RNF17: variants seen among roughly 807,000 people sequenced by gnomAD.
The protein encoded by RNF17 is ring finger protein 17.
RNF17 carries 31 observed loss-of-function variants against 200.5 expected under a neutral mutation model. The observed-to-expected ratio is 0.15, with a 90% confidence interval of 0.12 to 0.21. The LOEUF (loss-of-function observed/expected upper bound fraction) is 0.21. Among genes scored for constraint, RNF17 ranks in the 10% least tolerant of loss-of-function variants. The pLI is 1.00. For synonymous variants in RNF17, 606 were observed against 637.8 expected (o/e 0.95, Z 0.75); for missense variants, 1,628 against 1,905.1 (o/e 0.85, Z 2.71).
chr13:24,868,563 C>T, intron 30 of RNF17, 37 bp from the exon 31 acceptor site: 1 of 1,006,890 alleles, frequency 9.9e-7, no homozygotes, highest in Non-Finnish European at 1.5e-6. Flanking sequence ...GATTTTTGTC[C>T]TTATTCTGAA....
intron 15 of RNF17, among the ~76,000 whole-genome samples, chr13:24,821,753 G>C (rs1888081314): frequency 6.6e-6 from 1 of 151,922 alleles, no homozygotes; most frequent in Non-Finnish European, 1.5e-5. Context: ...ATTTTCTTTA[G>C]TTCTTTGTTT....
intron 32 of RNF17, among the ~76,000 whole-genome samples, chr13:24,872,863 AC>A (rs1894439261): frequency 8.5e-6 from 1 of 118,266 alleles, no homozygotes; most frequent in Middle Eastern, 3.9e-3. Context: ...GCTCAGGAAA[AC>A]TTTAGATGAA....
intron 32 of RNF17, 33 bp from the exon 33 acceptor site, chr13:24,874,080 CA>C (rs1386528802): frequency 6.3e-7 from 1 of 1,599,030 alleles, no homozygotes; most frequent in East Asian, 2.2e-5. Context: ...TAATGAAAGA[CA>C]ATATGATTTT....
intron 33 of RNF17, among the ~76,000 whole-genome samples, chr13:24,874,844 A>G (rs1357342509): frequency 6.6e-6 from 1 of 152,246 alleles, no homozygotes; most frequent in African/African-American, 2.4e-5. Flanking sequence ...GTTAAGTAAT[A>G]GGATCACAGT....
At chr13:24,842,857 C>T (rs1282183045) in intron 19 of RNF17, among the ~76,000 whole-genome samples, 1 of 151,668 alleles carries the variant, frequency 6.6e-6, no homozygotes, top group Admixed American at 6.6e-5. Context: ...TGGTGGCGTG[C>T]GTGCCTATAG....
downstream of RNF17, chr13:24,883,513 C>G (rs1292170112): frequency 1.6e-6 from 1 of 639,514 alleles, no homozygotes; most frequent in African/African-American, 1.8e-5. Flanking sequence ...TTGTAACTTT[C>G]TACAGTGTTT....
intron 31 of RNF17, 119 bp from the exon 32 acceptor site, chr13:24,870,452 G>A: frequency 1.4e-6 from 1 of 709,784 alleles, no homozygotes. Flanking sequence ...TGAATATCAG[G>A]AGGTGTAGGG....
At chr13:24,764,167 T>A, upstream of RNF17, 2 of 1,548,948 alleles carry the variant, frequency 1.3e-6, no homozygotes, top group Non-Finnish European at 8.8e-7. Context: ...CCGCCGGGAC[T>A]CGCACTCGGC....
rs1410779095 is a variant in RNF17 at position 24,810,803 on chromosome 13, C to T, written c.2091+6374C>T. ...ACCGGTTGTTCCTTTCCATGTTTAG[C>T]GCTTCCTTCAGGAGCTCTTTTAGGG... On this transcript the variant is annotated intron_variant, in intron 15 of 35. Coordinates refer to ENST00000255324, the MANE Select transcript of RNF17 (RefSeq NM_031277.3). Among the ~76,000 whole-genome samples, 78 of 148,738 alleles carry T rather than the reference C, an allele frequency of 5.2e-4. 1 individual carries two copies. Among genetic ancestry groups the T allele is most frequent in the African/African-American group, 8.2e-4 (32 of 39,166 alleles).
rs1226049811 is a variant in RNF17 at position 24,845,068 on chromosome 13, G to A, written c.3090G>A (p.Leu1030=). Residue 1030 remains leucine, a synonymous_variant, in exon 22 of 36, where the codon CTG becomes CTA. Coordinates refer to ENST00000255324, the MANE Select transcript of RNF17 (RefSeq NM_031277.3). ...TMGRLSLECS[L]VDIRPAGGSD... ...GAAGACTCTCTTTGGAATGTTCTCT[G>A]GTTGACATAAGGTAGTTTTTAGCTG... The A allele has an allele frequency of 6.7e-7, 1 of 1,503,188 alleles. No individual in the cohort carries two copies. Among genetic ancestry groups the A allele is most frequent in the Non-Finnish European group, 9.2e-7 (1 of 1,081,332 alleles). 93.1% of individuals were successfully genotyped at this position (1,503,188 alleles called of 1,614,324 possible).
chr13:24,803,946 T>G (rs1002868184), intron 14 of RNF17: 5 of 250,960 alleles, frequency 2.0e-5, no homozygotes, highest in Admixed American at 5.9e-5. Context: ...AAGTCCTTCC[T>G]TTAGATCAAG....
chr13:24,854,261 AT>A (rs1892239602), intron 25 of RNF17, 117 bp downstream of exon 25: 11 of 708,358 alleles, frequency 1.6e-5, no homozygotes, highest in Admixed American at 5.8e-5. Context: ...GGATTAAATG[AT>A]TTCACACAAT....
At chr13:24,786,920 C>G (rs1883183956) in intron 6 of RNF17, among the ~76,000 whole-genome samples, 2 of 152,108 alleles carry the variant, frequency 1.3e-5, no homozygotes, top group South Asian at 4.1e-4. Flanking sequence ...CTTTGTCTCT[C>G]TCTTCTCCTG....
chr13:24,790,680 A>G (rs1352772598), intron 9 of RNF17, among the ~76,000 whole-genome samples: 4 of 152,220 alleles, frequency 2.6e-5, no homozygotes, highest in Non-Finnish European at 4.4e-5. Flanking sequence ...GAAGCCCAAG[A>G]TCATAATGCT....
chr13:24,764,177 C>G lies in RNF17; in HGVS notation c.-27C>G. The G allele has an allele frequency of 1.3e-6, 2 of 1,563,820 alleles. No homozygotes were observed. The highest frequency in any genetic ancestry group is 1.2e-5 in the South Asian group (1 of 86,746). On this transcript the variant is annotated 5_prime_UTR_variant, in exon 1 of 36. Transcript: ENST00000255324. ...GAGGGCCGCCGGGACTCGCACTCGG[C>G]GGTTGTTCCAGAAGAAAGAGACAGC...
At chr13:24,885,596 A>G in the RNF17 span, 8 of 1,590,356 alleles carry the variant, frequency 5.0e-6, no homozygotes, top group Non-Finnish European at 6.9e-6. Flanking sequence ...ATATAAAAAC[A>G]GAGATTTACT....
chr13:24,777,376 A>G (rs1292994171), intron 3 of RNF17, among the ~76,000 whole-genome samples: 3 of 152,226 alleles, frequency 2.0e-5, no homozygotes, highest in African/African-American at 7.2e-5. Context: ...GGTGATACAA[A>G]GATAAAAATA....
At chr13:24,871,403 T>A in intron 32 of RNF17, among the ~76,000 whole-genome samples, 1 of 152,336 alleles carries the variant, frequency 6.6e-6, no homozygotes, top group East Asian at 1.9e-4. Context: ...AGTGACGTGA[T>A]CTCGGCTCAC....
At chr13:24,829,566 T>C (rs74659213) in intron 16 of RNF17, among the ~76,000 whole-genome samples, 130 of 152,302 alleles carry the variant, frequency 8.5e-4, no homozygotes, top group Middle Eastern at 3.4e-3. Context: ...GGATATCTCC[T>C]ACCATAGGGC....
Sources: gnomAD v4.1 joint callset for allele counts (sites outside exome capture counted in the v4.1 genomes callset) on GRCh38, gnomAD v4.1.1 for gene constraint, MANE v1.5 for transcripts, NCBI Gene and HGNC (gene_info 2026-07-23, HGNC 2026-07-21) for gene names.